RNF111: variants seen among roughly 807,000 people sequenced by gnomAD.
RNF111 encodes ring finger protein 111.
Under a neutral mutation model 95.1 loss-of-function variants are expected in RNF111, and 17 were observed. The observed-to-expected ratio is 0.18, with a 90% CI of 0.12 to 0.27. RNF111 has a LOEUF of 0.27. Among genes scored for constraint, RNF111 ranks in the 10% least tolerant of loss-of-function variants. The probability of loss-of-function intolerance (pLI) is 1.00; values close to 1 mark genes in which losing one functional copy is unlikely to be tolerated. For missense variants in RNF111, 1,189 were observed against 1,210.4 expected (o/e 0.98, Z 0.26); for synonymous variants, 440 against 414.8 (o/e 1.06, Z -0.74).
At chr15:59,051,600 AC>A (rs2041986557) in intron 2 of RNF111, among the ~76,000 whole-genome samples, 1 of 151,720 alleles carries the variant, frequency 6.6e-6, no homozygotes, top group African/African-American at 2.4e-5. Context: ...ACATGGTGAA[AC>A]CCCATCTCTA....
At chr15:59,074,654 A>G (rs1446041750) in intron 6 of RNF111, among the ~76,000 whole-genome samples, 1 of 152,134 alleles carries the variant, frequency 6.6e-6, no homozygotes, top group African/African-American at 2.4e-5. Context: ...TTCCATCTAG[A>G]TCACTAAAAC....
chr15:59,005,635 T>G (rs2039507522), intron 1 of RNF111, among the ~76,000 whole-genome samples: 1 of 152,094 alleles, frequency 6.6e-6, no homozygotes, highest in Non-Finnish European at 1.5e-5. Context: ...GTTAGACTAG[T>G]TTGAGGTGGG....
intron 2 of RNF111, among the ~76,000 whole-genome samples, chr15:59,038,348 A>G (rs777132828): frequency 6.6e-6 from 1 of 152,226 alleles, no homozygotes; most frequent in Non-Finnish European, 1.5e-5. Context: ...TGTGTAGTCC[A>G]TACTGTATTG....
chr15:59,089,176 C>T (rs1482202970), intron 10 of RNF111, among the ~76,000 whole-genome samples: 2 of 152,064 alleles, frequency 1.3e-5, no homozygotes, highest in African/African-American at 4.8e-5. Context: ...GGTCAGTTCA[C>T]ACATATGTAA....
intron 4 of RNF111, among the ~76,000 whole-genome samples, chr15:59,057,478 G>A (rs2042245447): frequency 6.6e-6 from 1 of 152,132 alleles, no homozygotes; most frequent in South Asian, 2.1e-4. Flanking sequence ...AGCACATTAA[G>A]AGACCCCCCT....
At chr15:59,039,095 G>T (rs2041323891) in intron 2 of RNF111, among the ~76,000 whole-genome samples, 1 of 152,102 alleles carries the variant, frequency 6.6e-6, no homozygotes, top group Non-Finnish European at 1.5e-5. Context: ...CTCCCGAGTA[G>T]CTGGGATTAC....
At chr15:59,059,590 G>A (rs1168151242) in intron 5 of RNF111, among the ~76,000 whole-genome samples, 1 of 152,258 alleles carries the variant, frequency 6.6e-6, no homozygotes, top group East Asian at 1.9e-4. Context: ...TTTGGTTATG[G>A]TTTGGTCTGT....
intron 1 of RNF111, chr15:58,988,324 C>G (rs1242575562): frequency 2.0e-5 from 3 of 152,324 alleles, no homozygotes; most frequent in African/African-American, 7.2e-5. Flanking sequence ...ATTTCTCTCC[C>G]ACTTCCGACT....
chr15:59,015,299 CATGTTTT>C (rs1454524430), intron 1 of RNF111, among the ~76,000 whole-genome samples: 2 of 152,014 alleles, frequency 1.3e-5, no homozygotes, highest in African/African-American at 4.8e-5. Flanking sequence ...GAGATATTGT[CATGTTTT>C]GTGTTTTGTA....
intron 10 of RNF111, 96 bp downstream of exon 10, chr15:59,085,881 TA>T (rs1224744730): frequency 2.8e-6 from 3 of 1,057,168 alleles, no homozygotes. Context: ...ATAGATGTTT[TA>T]ATAGAATTTG....
chr15:59,037,392 G>A (rs1489935849), intron 2 of RNF111, among the ~76,000 whole-genome samples: 1 of 152,120 alleles, frequency 6.6e-6, no homozygotes, highest in Non-Finnish European at 1.5e-5. Flanking sequence ...CAGAAGCTAG[G>A]TTTGAGAATA....
intron 1 of RNF111, among the ~76,000 whole-genome samples, chr15:59,027,665 A>AT (rs2040686855): frequency 6.6e-6 from 1 of 151,662 alleles, no homozygotes; most frequent in African/African-American, 2.4e-5. Context: ...AGTAGCTGGG[A>AT]TTACAGGTGC....
intron 2 of RNF111, among the ~76,000 whole-genome samples, chr15:59,037,912 ATAAG>A (rs1421061921): frequency 6.6e-6 from 1 of 152,206 alleles, no homozygotes; most frequent in Non-Finnish European, 1.5e-5. Flanking sequence ...ATGCTCCTAA[ATAAG>A]AGAGCTTAAG....
chr15:59,019,894 G>A (rs1292417391), intron 1 of RNF111, among the ~76,000 whole-genome samples: 2 of 152,076 alleles, frequency 1.3e-5, no homozygotes, highest in Admixed American at 1.3e-4. Context: ...GGGAGATGGA[G>A]GTTGCAGTGA....
chr15:59,009,773 G>T (rs571149249), intron 1 of RNF111, among the ~76,000 whole-genome samples: 1 of 152,048 alleles, frequency 6.6e-6, no homozygotes, highest in Non-Finnish European at 1.5e-5. Flanking sequence ...TGGGCAACAT[G>T]GCAAAACCTC....
chr15:59,041,327 G>A (rs546234450), intron 2 of RNF111, among the ~76,000 whole-genome samples: 42 of 152,216 alleles, frequency 2.8e-4, no homozygotes, highest in African/African-American at 8.4e-4. Flanking sequence ...AGGCCGAGGC[G>A]GGTGGATCAT....
rs370412120 is a variant in RNF111 at position 59,075,950 on chromosome 15, C to T, written c.1687-4C>T. ...AAGATAAAATATACTTCCTTTTTATCTAGCAGGCATTGCCAGTGGACCTGA... is the reference window on the plus strand; with the variant it reads ...AAGATAAAATATACTTCCTTTTTATTTAGCAGGCATTGCCAGTGGACCTGA... On this transcript the variant is annotated splice_polypyrimidine_tract_variant and splice_region_variant and intron_variant, in intron 6 of 13. Transcript: ENST00000348370. The T allele has an allele frequency of 6.2e-7, 1 of 1,613,506 alleles. No individual in the cohort carries two copies. The highest frequency in any genetic ancestry group is 2.2e-5 in the East Asian group (1 of 44,856).
intron 1 of RNF111, among the ~76,000 whole-genome samples, chr15:58,994,433 A>G (rs533378025): frequency 1.5e-4 from 23 of 148,754 alleles, no homozygotes; most frequent in African/African-American, 5.2e-4. Context: ...AGATTCACCA[A>G]TTTTTAATGT....
At chr15:59,074,394 T>C (rs1185985314) in intron 6 of RNF111, among the ~76,000 whole-genome samples, 2 of 152,248 alleles carry the variant, frequency 1.3e-5, no homozygotes, top group Admixed American at 6.5e-5. Context: ...TGTAGCACTT[T>C]CCATAAATGA....
Sources: gnomAD v4.1 joint callset for allele counts (sites outside exome capture counted in the v4.1 genomes callset) on GRCh38, gnomAD v4.1.1 for gene constraint, MANE v1.5 for transcripts, NCBI Gene and HGNC (gene_info 2026-07-23, HGNC 2026-07-21) for gene names.